USP50: variants seen among roughly 807,000 people sequenced by gnomAD.
The protein encoded by USP50 is ubiquitin specific peptidase 50, also known as ubiquitin carboxyl-terminal hydrolase 50.
Under a neutral mutation model 39.2 loss-of-function variants are expected in USP50, and 37 were observed. The ratio of observed to expected loss-of-function variants is 0.94; its 90% confidence interval spans 0.73 to 1.24. The LOEUF is 1.24. USP50 is among the 50% of genes most tolerant of loss of function. The pLI, the probability that USP50 is intolerant of heterozygous loss-of-function variation, is 0.00. For synonymous variants in USP50, 139 were observed against 144.5 expected (o/e 0.96, Z 0.27); for missense variants, 374 against 398.2 (o/e 0.94, Z 0.52).
At chr15:50,505,616 T>C (rs1365818943) in intron 6 of USP50, 1 of 152,100 alleles carries the variant, frequency 6.6e-6, no homozygotes, top group Non-Finnish European at 1.5e-5. Flanking sequence ...TATAACCCAA[T>C]ATGAACAGTA....
At chr15:50,495,886 T>G (rs766068005), downstream of USP50, 1 of 1,613,800 alleles carries the variant, frequency 6.2e-7, no homozygotes, top group Non-Finnish European at 8.5e-7. Context: ...AAAATAATGA[T>G]CATCTCGATG....
chr15:50,511,248 T>C (rs1220485209), intron 6 of USP50: 2 of 152,126 alleles, frequency 1.3e-5, no homozygotes, highest in Non-Finnish European at 2.9e-5. Context: ...TTGTATGGGA[T>C]AGAATAAAAA....
rs1424569854 is a variant in USP50, at chr15:50,529,801, AC to A, written c.931del (p.Val311TrpfsTer2). The A allele has an allele frequency of 1.2e-6, 2 of 1,613,274 alleles. No individual in the cohort carries two copies. Among genetic ancestry groups the A allele is most frequent in the African/African-American group, 2.7e-5 (2 of 74,814 alleles). On this transcript the variant is annotated frameshift_variant, in exon 6 of 7. Coordinates refer to ENST00000532404, the MANE Select transcript of USP50 (RefSeq NM_203494.5). LOFTEE classifies it high-confidence loss of function. The stretch of plus-strand genomic sequence containing the variant: ...TAACAGTTTGTTTTTACTCACCACC[AC>A]TGCACAGAGGTTGTATTTAGGATAT... ...RKYPKYNLCA[V>X]VNHFGDLDGG...
chr15:50,522,351 G>A (rs2141364187), intron 6 of USP50, among the ~76,000 whole-genome samples: 1 of 152,300 alleles, frequency 6.6e-6, no homozygotes, highest in East Asian at 1.9e-4. Context: ...GTTGAGCCCA[G>A]GAGAAGGTTG....
rs2052567730 is a variant in USP50 at position 50,500,699 on chromosome 15, A to G, written c.*70T>C. On this transcript the variant is annotated 3_prime_UTR_variant, in exon 7 of 7. Coordinates refer to ENST00000532404, the MANE Select transcript of USP50 (RefSeq NM_203494.5). ...ATGGAAAAGGGCTGGCAGCTATAGA[A>G]CAGGAGATCCATAGCATTTTGAACA... is the stretch of plus-strand genomic sequence containing the variant. The G allele has an allele frequency of 1.4e-6, 2 of 1,423,722 alleles. No individual in the cohort carries two copies. Among genetic ancestry groups the G allele is most frequent in the African/African-American group, 2.8e-5 (2 of 70,664 alleles). 88.2% of individuals were successfully genotyped at this position (1,423,722 alleles called of 1,614,324 possible). A position where few individuals can be genotyped will look rare whatever the true frequency, so the allele number is the denominator to read the frequency against.
intron 6 of USP50, chr15:50,501,265 G>A (rs1373465446): frequency 1.4e-5 from 2 of 146,050 alleles, no homozygotes; most frequent in East Asian, 2.0e-4. Context: ...TTCAAGACCA[G>A]CCTGGGCAAA....
rs534995132 is a variant in USP50, at chr15:50,540,682, A to T, written c.660+367T>A. 2.6e-5 allele frequency among the ~76,000 whole-genome samples: 4 copies of T among 152,214 alleles called. No homozygotes were observed. In the South Asian group the frequency reaches 8.3e-4, roughly 32 times the overall value. On this transcript the variant is annotated intron_variant, in intron 4 of 6. Coordinates refer to ENST00000532404, the MANE Select transcript of USP50 (RefSeq NM_203494.5). ...TCTGTCACCCAGGCTGGGGTGCAGT[A>T]GTGCGATCTTGGCTCACAACAACCT...
At chr15:50,531,046 T>C (rs1177166679) in intron 5 of USP50, among the ~76,000 whole-genome samples, 2 of 152,180 alleles carry the variant, frequency 1.3e-5, no homozygotes, top group African/African-American at 4.8e-5. Flanking sequence ...ACATCAGAGT[T>C]ACTCAGAAGC....
chr15:50,521,739 G>A (rs2052852473), intron 6 of USP50, among the ~76,000 whole-genome samples: 2 of 151,922 alleles, frequency 1.3e-5, no homozygotes, highest in South Asian at 4.2e-4. Flanking sequence ...AAGGCAGGTG[G>A]ATCACTTGAG....
downstream of USP50, chr15:50,496,058 G>A: frequency 6.2e-7 from 1 of 1,612,848 alleles, no homozygotes; most frequent in South Asian, 1.1e-5. Context: ...TCTACCACTA[G>A]CATCCACAAG....
At position 50,525,627 on chromosome 15, in the gene USP50, TG is replaced by T. The variant is rs1371577676; in HGVS notation, c.936+4169del. Among the ~76,000 whole-genome samples, 4 of 118,392 alleles carry T rather than the reference TG, an allele frequency of 3.4e-5. No individual in the cohort carries two copies. The East Asian group carries it at 6.4e-4, about 19-fold the overall frequency. The allele number at this position is 118,392 out of a possible 152,430, so 77.7% of individuals were successfully genotyped here. ...ATATGTATATATGTATATATGTATA[TG>T]TATATATGTATATGTGTATATGTAT... On this transcript the variant is annotated intron_variant, in intron 6 of 6. Coordinates refer to ENST00000532404, the MANE Select transcript of USP50 (RefSeq NM_203494.5).
At chr15:50,517,552 A>C (rs1271252957) in intron 6 of USP50, among the ~76,000 whole-genome samples, 1 of 152,172 alleles carries the variant, frequency 6.6e-6, no homozygotes, top group African/African-American at 2.4e-5. Flanking sequence ...AATTAATAAC[A>C]GGGGAAATCA....
intron 6 of USP50, chr15:50,508,976 T>TA (rs1413165410): frequency 6.6e-6 from 1 of 150,908 alleles, no homozygotes; most frequent in Middle Eastern, 3.2e-3. Flanking sequence ...CTATTAAAAA[T>TA]ACAAAAAATT....
intron 1 of USP50, among the ~76,000 whole-genome samples, chr15:50,494,591 T>C (rs1382361767): frequency 1.3e-5 from 2 of 152,250 alleles, no homozygotes; most frequent in Non-Finnish European, 2.9e-5. Context: ...TATAGACAGT[T>C]TGAGCATTTT....
intron 6 of USP50, chr15:50,506,082 C>CCTAAT (rs2141344640): frequency 6.6e-6 from 1 of 152,348 alleles, no homozygotes; most frequent in African/African-American, 2.4e-5. Context: ...AGTATGAAAG[C>CCTAAT]TGTCGTTTTT....
intron 6 of USP50, chr15:50,503,702 G>C (rs556490116): frequency 4.6e-5 from 7 of 152,300 alleles, no homozygotes; most frequent in East Asian, 1.9e-4. Flanking sequence ...TGCGAATCCT[G>C]TGAACTTAAT....
At chr15:50,499,021 A>T (rs1442958999), downstream of USP50, 4 of 1,613,826 alleles carry the variant, frequency 2.5e-6, no homozygotes, top group Non-Finnish European at 3.4e-6. Context: ...TCTTCTGTGA[A>T]ATCTTCAGCA....
intron 5 of USP50, among the ~76,000 whole-genome samples, chr15:50,533,556 GA>G (rs1382613699): frequency 6.6e-6 from 1 of 151,894 alleles, no homozygotes; most frequent in African/African-American, 2.4e-5. Context: ...GAAGAAAGTG[GA>G]AAAAAATATT....
intron 2 of USP50, 130 bp from the exon 3 acceptor site, chr15:50,543,923 G>A: frequency 3.5e-6 from 3 of 856,138 alleles, no homozygotes; most frequent in Non-Finnish European, 5.6e-6. Flanking sequence ...AGCACTTTGG[G>A]AGGCCAATGC....
Sources: allele counts gnomAD v4.1 joint callset (sites outside exome capture counted in the v4.1 genomes callset), GRCh38; gene constraint gnomAD v4.1.1; transcripts MANE v1.5; gene names NCBI Gene and HGNC (gene_info 2026-07-23, HGNC 2026-07-21).